ATF6: variants seen among roughly 807,000 people sequenced by gnomAD.
ATF6 encodes the protein cyclic AMP-dependent transcription factor ATF-6 alpha.
In ATF6, 53 loss-of-function variants were observed where a neutral mutation model predicts 83.6. That is an observed-to-expected ratio of 0.63 (90% CI 0.51 to 0.80). The LOEUF is 0.80. Ranked by LOEUF, ATF6 falls within the 30% of genes least tolerant of loss-of-function variation. The probability of loss-of-function intolerance (pLI) is 0.00; values close to 1 mark genes in which losing one functional copy is unlikely to be tolerated. For synonymous variants in ATF6, 288 were observed against 285.8 expected, an observed-to-expected ratio of 1.01 and a Z score of -0.08; for missense variants, 744 against 797.9, an observed-to-expected ratio of 0.93 and a Z score of 0.81.
At position 161,959,021 on chromosome 1, in the gene ATF6, A is replaced by G; in HGVS notation, c.*367A>G. 1 of 169,486 alleles carries G rather than the reference A, an allele frequency of 5.9e-6. No individual in the cohort carries two copies. The highest frequency in any genetic ancestry group is 1.3e-5 in the Non-Finnish European group (1 of 79,106). 10.5% of individuals were successfully genotyped at this position (169,486 alleles called of 1,614,324 possible). On this transcript the variant is annotated 3_prime_UTR_variant, in exon 16 of 16. Coordinates refer to ENST00000367942, the MANE Select transcript of ATF6 (RefSeq NM_007348.4). ...ATAATATCCACCTCTCCTTTTTGCC[A>G]TTTCACTTATTGATTCATAAAGTGA... is the stretch of plus-strand genomic sequence containing the variant.
intron 1 of ATF6, among the ~76,000 whole-genome samples, chr1:161,766,870 G>A (rs1684277880): frequency 6.6e-6 from 1 of 152,182 alleles, no homozygotes; most frequent in Non-Finnish European, 1.5e-5. Context: ...TTATATACAA[G>A]AAATTCTAAT....
chr1:161,855,778 G>A (rs1310475519), intron 12 of ATF6, among the ~76,000 whole-genome samples: 2 of 152,190 alleles, frequency 1.3e-5, no homozygotes, highest in African/African-American at 4.8e-5. Flanking sequence ...TTAATTACAG[G>A]GGCTAAGAGA....
At position 161,960,469 on chromosome 1, in the gene ATF6, A is replaced by G. The variant is rs1000870550; in HGVS notation, c.*1815A>G. Reference sequence around the variant, plus strand: ...CTGTGAAATTAGGTCTGGCTCCTAAATAATTTTAAAGAACCATCAGCACTT... The same window carrying G: ...CTGTGAAATTAGGTCTGGCTCCTAAGTAATTTTAAAGAACCATCAGCACTT... On this transcript the variant is annotated 3_prime_UTR_variant, in exon 16 of 16. Transcript: ENST00000367942. 5 of 152,248 alleles carry G rather than the reference A, an allele frequency of 3.3e-5. No homozygotes were observed. The highest frequency in any genetic ancestry group is 1.2e-4 in the African/African-American group (5 of 41,470). The allele number at this position is 152,248 out of a possible 1,614,324, so 9.4% of individuals were successfully genotyped here. A position where few individuals can be genotyped will look rare whatever the true frequency, so the allele number is the denominator to read the frequency against.
intron 15 of ATF6, among the ~76,000 whole-genome samples, chr1:161,939,806 C>T (rs1688609703): frequency 6.6e-6 from 1 of 152,188 alleles, no homozygotes; most frequent in African/African-American, 2.4e-5. Context: ...AACTGAGTCA[C>T]ATGATGATAA....
At chr1:161,895,005 A>G (rs543430310) in intron 14 of ATF6, among the ~76,000 whole-genome samples, 6 of 152,094 alleles carry the variant, frequency 3.9e-5, no homozygotes, top group African/African-American at 1.4e-4. Context: ...TTGGGGGGCC[A>G]AGGTGGGCAG....
chr1:161,784,374 C>G (rs1684700334), intron 4 of ATF6, among the ~76,000 whole-genome samples: 1 of 152,118 alleles, frequency 6.6e-6, no homozygotes, highest in African/African-American at 2.4e-5. Context: ...TATTGGCTTA[C>G]TGTCCTTTCT....
intron 14 of ATF6, among the ~76,000 whole-genome samples, chr1:161,883,101 G>T (rs888728801): frequency 6.6e-6 from 1 of 151,916 alleles, no homozygotes; most frequent in African/African-American, 2.4e-5. Flanking sequence ...AAATTGGCAT[G>T]TTTCGAAAGA....
intron 15 of ATF6, among the ~76,000 whole-genome samples, chr1:161,942,151 C>T (rs1292947047): frequency 6.6e-6 from 1 of 152,194 alleles, no homozygotes; most frequent in African/African-American, 2.4e-5. Flanking sequence ...AGTAGAAACA[C>T]TCTGCAGTAT....
chr1:161,912,469 C>A, intron 15 of ATF6, 89 bp downstream of exon 15: 1 of 778,658 alleles, frequency 1.3e-6, no homozygotes, highest in Non-Finnish European at 2.0e-6. Context: ...TTAAAATGTT[C>A]AGTTAAATGA....
chr1:161,778,163 G>A, intron 1 of ATF6, 81 bp from the exon 2 acceptor site: 1 of 1,095,264 alleles, frequency 9.1e-7, no homozygotes, highest in South Asian at 1.4e-5. Flanking sequence ...CTTAATAGAG[G>A]TGACATAGGG....
At chr1:161,810,895 A>G (rs997733671) in intron 7 of ATF6, among the ~76,000 whole-genome samples, 5 of 151,258 alleles carry the variant, frequency 3.3e-5, no homozygotes, top group African/African-American at 9.7e-5. Context: ...TTCACTTACC[A>G]TATTTTTTTC....
At chr1:161,826,480 G>C (rs1457057799) in intron 9 of ATF6, among the ~76,000 whole-genome samples, 1 of 151,960 alleles carries the variant, frequency 6.6e-6, no homozygotes, top group African/African-American at 2.4e-5. Context: ...TAGAAAGAGG[G>C]GATTAAAAAT....
chr1:161,868,722 A>G (rs991904087), intron 14 of ATF6, among the ~76,000 whole-genome samples: 1 of 152,116 alleles, frequency 6.6e-6, no homozygotes, highest in African/African-American at 2.4e-5. Flanking sequence ...GAAGTAATAT[A>G]AGCTGTGCTG....
At chr1:161,922,013 G>A (rs67432772) in intron 15 of ATF6, among the ~76,000 whole-genome samples, 18,563 of 137,670 alleles carry the variant, frequency 0.13, 2,382 homozygotes, top group African/African-American at 0.34. Context: ...TTGTTTGTTT[G>A]TTTTTTCTCT....
chr1:161,800,249 A>G (rs902144616), intron 6 of ATF6, among the ~76,000 whole-genome samples: 5 of 152,222 alleles, frequency 3.3e-5, no homozygotes, highest in Non-Finnish European at 5.9e-5. Flanking sequence ...CATATACATA[A>G]TGAGATATCT....
chr1:161,830,929 A>G (rs1686041810), intron 9 of ATF6, among the ~76,000 whole-genome samples: 1 of 152,212 alleles, frequency 6.6e-6, no homozygotes, highest in Non-Finnish European at 1.5e-5. Flanking sequence ...AATGGCAACA[A>G]AAGCCAAAAT....
chr1:161,963,211 A>C lies in ATF6; in HGVS notation c.*4557A>C, dbSNP rs1188827980. On this transcript the variant is annotated 3_prime_UTR_variant, in exon 16 of 16. Coordinates refer to ENST00000367942, the MANE Select transcript of ATF6 (RefSeq NM_007348.4). Reference sequence around the variant, plus strand: ...AAGTGTGTTCTGTTCTTATCTTTTTAATGACTAAGCTTTAAACAGTTTATT... The same window carrying C: ...AAGTGTGTTCTGTTCTTATCTTTTTCATGACTAAGCTTTAAACAGTTTATT... 1.3e-5 allele frequency: 2 copies of C among 152,246 alleles called. No individual in the cohort carries two copies. Among genetic ancestry groups the C allele is most frequent in the Admixed American group, 6.5e-5 (1 of 15,290 alleles). 9.4% of individuals were successfully genotyped at this position (152,246 alleles called of 1,614,324 possible).
intron 6 of ATF6, among the ~76,000 whole-genome samples, 164 bp downstream of exon 6, chr1:161,792,491 G>A (rs1018940580): frequency 6.6e-6 from 1 of 152,176 alleles, no homozygotes; most frequent in Admixed American, 6.5e-5. Flanking sequence ...TGTGGTTCCT[G>A]TCATAACAAG....
At chr1:161,809,286 C>G (rs1685389348) in intron 7 of ATF6, among the ~76,000 whole-genome samples, 1 of 151,468 alleles carries the variant, frequency 6.6e-6, no homozygotes, top group South Asian at 2.1e-4. Flanking sequence ...TGAGTGAGAA[C>G]ATGTGTGTTC....
Sources: gnomAD v4.1 joint callset for allele counts (sites outside exome capture counted in the v4.1 genomes callset) on GRCh38, gnomAD v4.1.1 for gene constraint, MANE v1.5 for transcripts, NCBI Gene and HGNC (gene_info 2026-07-23, HGNC 2026-07-21) for gene names.